Variants in OPA3 observed in about 807,000 individuals in gnomAD.
OPA3 encodes optic atrophy 3 protein.
Under a neutral mutation model 4.0 loss-of-function variants are expected in OPA3, and 6 were observed. That is an observed-to-expected ratio of 1.51 (90% CI 0.83 to 2.99). The LOEUF (loss-of-function observed/expected upper bound fraction) is 2.99. Ranked by LOEUF, OPA3 falls within the 30% of genes most tolerant of loss-of-function variation. OPA3 has a pLI of 0.00. For synonymous variants in OPA3, 105 were observed against 117.1 expected, an observed-to-expected ratio of 0.90 and a Z score of 0.67; for missense variants, 235 against 256.2, an observed-to-expected ratio of 0.92 and a Z score of 0.56.
intron 1 of OPA3, among the ~76,000 whole-genome samples, chr19:45,569,788 G>C (rs1315909209): frequency 3.3e-5 from 5 of 151,980 alleles, no homozygotes; most frequent in Non-Finnish European, 7.4e-5. Context: ...GCCTGGAGCC[G>C]CAGCAGCCCT....
chr19:45,549,764 G>C lies in OPA3; in HGVS notation c.*3750C>G. ...CAAAGTGCTGGGATGACAGGCGTGA[G>C]CTGGCCTGGGTCACTCCCAGTTTTA... On this transcript the variant is annotated 3_prime_UTR_variant, in exon 2 of 2. Coordinates refer to ENST00000263275, the MANE Select transcript of OPA3 (RefSeq NM_025136.4). 3.0e-6 allele frequency: 3 copies of C among 985,406 alleles called. No homozygotes were observed. Among genetic ancestry groups the C allele is most frequent in the African/African-American group, 1.7e-5 (1 of 57,324 alleles). 61.0% of individuals were successfully genotyped at this position (985,406 alleles called of 1,614,324 possible). A position where few individuals can be genotyped will look rare whatever the true frequency, so the allele number is the denominator to read the frequency against.
chr19:45,566,339 A>G (rs1221076471), intron 1 of OPA3, among the ~76,000 whole-genome samples: 1 of 151,934 alleles, frequency 6.6e-6, no homozygotes, highest in African/African-American at 2.4e-5. Context: ...TAGTAGAGTT[A>G]GGGCTCTGCC....
chr19:45,572,121 T>TGA (rs1265542953), intron 1 of OPA3, among the ~76,000 whole-genome samples: 1 of 134,766 alleles, frequency 7.4e-6, no homozygotes, highest in Middle Eastern at 3.7e-3. Flanking sequence ...CAATATATAT[T>TGA]GATATATATA....
downstream of OPA3, among the ~76,000 whole-genome samples, chr19:45,542,083 A>C (rs1034461263): frequency 8.5e-5 from 13 of 152,110 alleles, no homozygotes; most frequent in African/African-American, 3.1e-4. Flanking sequence ...AGTTAGGTGC[A>C]GTTAGGTGTG....
chr19:45,534,599 A>G lies in OPA3; in HGVS notation c.143-5143T>C, dbSNP rs188873104. On this transcript the variant is annotated intron_variant, in intron 1 of 1. Coordinates refer to the OPA3 transcript ENST00000323060. ...AAAAAAAAGTCAAGTAAAGAAAACA[A>G]TAGAACTATCCATACTTTTCCACTG... is the stretch of plus-strand genomic sequence containing the variant. Among the ~76,000 whole-genome samples the G allele has an allele frequency of 2.7e-5, 4 of 150,640 alleles. No homozygotes were observed. In the East Asian group the frequency reaches 7.8e-4, roughly 29 times the overall value.
At chr19:45,577,482 A>G (rs1029256518) in intron 1 of OPA3, among the ~76,000 whole-genome samples, 18 of 152,180 alleles carry the variant, frequency 1.2e-4, no homozygotes, top group Admixed American at 5.2e-4. Context: ...AAGCCAGTAC[A>G]TTGCAATATC....
intron 1 of OPA3, among the ~76,000 whole-genome samples, chr19:45,539,337 A>G (rs1252504361): frequency 6.6e-6 from 1 of 152,108 alleles, no homozygotes; most frequent in Non-Finnish European, 1.5e-5. Context: ...TGGCTTACAC[A>G]CCTGTATTCC....
At chr19:45,564,428 G>A (rs887017872) in intron 1 of OPA3, among the ~76,000 whole-genome samples, 32 of 152,166 alleles carry the variant, frequency 2.1e-4, no homozygotes, top group African/African-American at 7.2e-4. Context: ...TCCTTGACTG[G>A]GGGTAAACCA....
Position 45,549,301 on chromosome 19 carries a change from A to ACC in OPA3, c.*4211_*4212dup. 1 of 985,072 alleles carries ACC rather than the reference A, an allele frequency of 1.0e-6. No homozygotes were observed. The highest frequency in any genetic ancestry group is 1.2e-6 in the Non-Finnish European group (1 of 829,888). The allele number at this position is 985,072 out of a possible 1,614,324, so 61.0% of individuals were successfully genotyped here. ...CTTTCCACTTCCACACACTCTGGCC[A>ACC]CCCCTGACGCCGCAGTGGGGGAAGT... On this transcript the variant is annotated 3_prime_UTR_variant, in exon 2 of 2. Coordinates refer to ENST00000263275, the MANE Select transcript of OPA3 (RefSeq NM_025136.4).
intron 1 of OPA3, among the ~76,000 whole-genome samples, chr19:45,572,757 C>G (rs1393601234): frequency 8.2e-6 from 1 of 121,406 alleles, no homozygotes; most frequent in South Asian, 2.5e-4. Context: ...ATATATATCT[C>G]GATATATATC....
At chr19:45,570,006 TAC>T (rs927183989) in intron 1 of OPA3, among the ~76,000 whole-genome samples, 24 of 152,278 alleles carry the variant, frequency 1.6e-4, no homozygotes, top group African/African-American at 5.5e-4. Flanking sequence ...CACAAACTAA[TAC>T]AGAGATACAC....
chr19:45,535,949 G>C (rs1190316570), intron 1 of OPA3, among the ~76,000 whole-genome samples: 1 of 151,670 alleles, frequency 6.6e-6, no homozygotes, highest in Non-Finnish European at 1.5e-5. Context: ...TTTTCTTGCC[G>C]GGTGTGATGG....
chr19:45,575,252 G>A (rs1467467258), intron 1 of OPA3, among the ~76,000 whole-genome samples: 1 of 151,790 alleles, frequency 6.6e-6, no homozygotes, highest in Non-Finnish European at 1.5e-5. Context: ...ACAGGTACCC[G>A]CTAAATTTTT....
intron 1 of OPA3, among the ~76,000 whole-genome samples, chr19:45,571,916 T>C (rs568736729): frequency 5.1e-4 from 78 of 152,190 alleles, no homozygotes; most frequent in African/African-American, 1.9e-3. Flanking sequence ...TGTTTAATTC[T>C]TTTTCCAGCT....
Position 45,553,169 on chromosome 19 carries a change from G to T in OPA3, c.*345C>A, listed in dbSNP as rs1308280904. 3 of 1,280,472 alleles carry T rather than the reference G, an allele frequency of 2.3e-6. No homozygotes were observed. In the Admixed American group the frequency reaches 1.1e-4, roughly 45 times the overall value. The allele number at this position is 1,280,472 out of a possible 1,614,324, so 79.3% of individuals were successfully genotyped here. ...AGGTTAACACTGATCAGGTAAACCG[G>T]GGGTGGGGGTAACAATAACACATTG... On this transcript the variant is annotated 3_prime_UTR_variant, in exon 2 of 2. Coordinates refer to ENST00000263275, the MANE Select transcript of OPA3 (RefSeq NM_025136.4).
intron 1 of OPA3, among the ~76,000 whole-genome samples, chr19:45,571,872 C>T (rs1969671456): frequency 6.6e-6 from 1 of 152,102 alleles, no homozygotes; most frequent in African/African-American, 2.4e-5. Flanking sequence ...GAGAGCTGAA[C>T]ACCAACTGTT....
At position 45,552,753 on chromosome 19, in the gene OPA3, G is replaced by A. The variant is rs1020788721; in HGVS notation, c.*761C>T. On this transcript the variant is annotated 3_prime_UTR_variant, in exon 2 of 2. Coordinates refer to ENST00000263275, the MANE Select transcript of OPA3 (RefSeq NM_025136.4). ...TGCAATGGTGCCATCTTGGCTCACCGCAACCTCCACCTCATGGGTTCAAGC... is the reference window on the plus strand; with the variant it reads ...TGCAATGGTGCCATCTTGGCTCACCACAACCTCCACCTCATGGGTTCAAGC... 6 of 153,434 alleles carry A rather than the reference G, an allele frequency of 3.9e-5. No homozygotes were observed. The highest frequency in any genetic ancestry group is 9.7e-5 in the African/African-American group (4 of 41,154). The allele number at this position is 153,434 out of a possible 1,614,324, so 9.5% of individuals were successfully genotyped here. A position where few individuals can be genotyped will look rare whatever the true frequency, so the allele number is the denominator to read the frequency against.
rs137978109 is a variant in OPA3 at position 45,553,576 on chromosome 19, G to A, written c.478C>T (p.Arg160Cys). The change falls in exon 2 of 2, where the codon CGC becomes TGC. Residue 160 changes from arginine (R) to cysteine (C), a missense_variant. Coordinates refer to ENST00000263275, the MANE Select transcript of OPA3 (RefSeq NM_025136.4). ...CGGCCGGGATTGCAGAGCTGGGCGC[G>A]CACCTCTTGCAGCTCTGTGCGCAGT... Reference protein sequence around the residue: ...EELRTELQEVRAQLCNPGRSA... With the variant: ...EELRTELQEVCAQLCNPGRSA... 2.2e-4 allele frequency: 350 copies of A among 1,612,730 alleles called. 1 individual carries two copies. The African/African-American group carries it at 4.3e-3, about 20-fold the overall frequency.
At chr19:45,541,495 C>A (rs181963148), downstream of OPA3, among the ~76,000 whole-genome samples, 218 of 152,166 alleles carry the variant, frequency 1.4e-3, 1 homozygote, top group African/African-American at 5.1e-3. Flanking sequence ...CATCTAAGTC[C>A]AGAAGTTTGA....
Sources: gnomAD v4.1 joint callset for allele counts (sites outside exome capture counted in the v4.1 genomes callset) on GRCh38, gnomAD v4.1.1 for gene constraint, MANE v1.5 for transcripts, NCBI Gene and HGNC (gene_info 2026-07-23, HGNC 2026-07-21) for gene names.